The following FAM81B variants were observed in gnomAD, a reference collection of about 807,000 sequenced individuals.
The protein encoded by FAM81B is protein FAM81B.
A neutral mutation model predicts 58.7 loss-of-function variants in FAM81B; 60 were observed. That is an observed-to-expected ratio of 1.02 (90% confidence interval 0.83 to 1.27). The LOEUF is 1.27. Ranked by LOEUF, FAM81B falls within the 50% of genes most tolerant of loss-of-function variation. The pLI is 0.00. For missense variants in FAM81B, 491 were observed against 522.0 expected (o/e 0.94, Z 0.58); for synonymous variants, 189 against 179.6 (o/e 1.05, Z -0.42).
chr5:95,400,248 G>T (rs1257728163), intron 3 of FAM81B, among the ~76,000 whole-genome samples: 1 of 152,118 alleles, frequency 6.6e-6, no homozygotes, highest in Non-Finnish European at 1.5e-5. Context: ...CCTTCTGAGG[G>T]CTCCAAGGGG....
At chr5:95,446,900 C>T (rs1015742352) in intron 8 of FAM81B, among the ~76,000 whole-genome samples, 8 of 150,220 alleles carry the variant, frequency 5.3e-5, no homozygotes, top group African/African-American at 2.0e-4. Context: ...ACCTGTGTTT[C>T]TCAGAGTGTG....
intron 4 of FAM81B, among the ~76,000 whole-genome samples, chr5:95,419,513 C>T: frequency 6.6e-6 from 1 of 151,992 alleles, no homozygotes; most frequent in Non-Finnish European, 1.5e-5. Flanking sequence ...TATGGACAAG[C>T]AGAATTTTTT....
intron 2 of FAM81B, among the ~76,000 whole-genome samples, chr5:95,394,469 G>A (rs1432735371): frequency 2.6e-5 from 4 of 152,112 alleles, no homozygotes; most frequent in Non-Finnish European, 4.4e-5. Flanking sequence ...AAGGTGAGGA[G>A]GAAAGAACTG....
intron 5 of FAM81B, among the ~76,000 whole-genome samples, chr5:95,426,270 G>A (rs939827768): frequency 1.3e-5 from 2 of 151,908 alleles, no homozygotes; most frequent in Non-Finnish European, 2.9e-5. Flanking sequence ...TTCTAATGGT[G>A]ATGTACTATT....
rs954100356 is a variant in FAM81B at position 95,396,167 on chromosome 5, T to C, written c.285T>C (p.Tyr95=). The change falls in exon 3 of 10, where the codon TAT becomes TAC. Residue 95 remains tyrosine (Y), a synonymous_variant. Coordinates refer to ENST00000283357, the MANE Select transcript of FAM81B (RefSeq NM_152548.3). Reference sequence around the variant, plus strand: ...AGAATTCTACAGATCTAGTTGAATATGTTGACAAGTAAGTGTGTAAATTAC... The same window carrying C: ...AGAATTCTACAGATCTAGTTGAATACGTTGACAAGTAAGTGTGTAAATTAC... ...STKNSTDLVE[Y]VDKSHAFLPI... 6 of 1,601,234 alleles carry C rather than the reference T, an allele frequency of 3.7e-6. No individual in the cohort carries two copies. The highest frequency in any genetic ancestry group is 1.1e-5 in the South Asian group (1 of 88,318).
intron 6 of FAM81B, 150 bp from the exon 7 acceptor site, chr5:95,436,650 A>C: frequency 1.5e-6 from 1 of 659,002 alleles, no homozygotes; most frequent in Non-Finnish European, 2.7e-6. Context: ...TTTCAAGTGC[A>C]ATCATGCTTT....
At chr5:95,440,599 T>C in intron 7 of FAM81B, 1 of 675,742 alleles carries the variant, frequency 1.5e-6, no homozygotes. Context: ...CTCAGAGAGC[T>C]ACAGACAAAA....
At chr5:95,425,768 T>G (rs1762807153) in intron 5 of FAM81B, among the ~76,000 whole-genome samples, 1 of 152,172 alleles carries the variant, frequency 6.6e-6, no homozygotes, top group Admixed American at 6.5e-5. Flanking sequence ...GCAAATTTTT[T>G]TTTAAATGTT....
intron 3 of FAM81B, among the ~76,000 whole-genome samples, chr5:95,402,877 A>C (rs1762150481): frequency 6.6e-6 from 1 of 152,232 alleles, no homozygotes; most frequent in Non-Finnish European, 1.5e-5. Flanking sequence ...ACCACACAGC[A>C]AAATAGGCCT....
At chr5:95,447,763 T>C (rs570573336) in intron 8 of FAM81B, among the ~76,000 whole-genome samples, 1 of 152,356 alleles carries the variant, frequency 6.6e-6, no homozygotes, top group African/African-American at 2.4e-5. Context: ...CTGCAGTCCC[T>C]ACCTTGGTTG....
chr5:95,445,614 C>T (rs1304984073), intron 7 of FAM81B, among the ~76,000 whole-genome samples: 3 of 152,088 alleles, frequency 2.0e-5, no homozygotes, highest in African/African-American at 4.8e-5. Flanking sequence ...TGATAGGTCC[C>T]GTAGGTACCT....
At chr5:95,446,357 T>C (rs1745557297) in intron 7 of FAM81B, among the ~76,000 whole-genome samples, 1 of 152,036 alleles carries the variant, frequency 6.6e-6, no homozygotes, top group Non-Finnish European at 1.5e-5. Context: ...GTAGAGGGGG[T>C]GTTAACAGTA....
intron 5 of FAM81B, among the ~76,000 whole-genome samples, chr5:95,427,652 T>C (rs1379366660): frequency 6.6e-6 from 1 of 152,240 alleles, no homozygotes; most frequent in Non-Finnish European, 1.5e-5. Flanking sequence ...TATGAAAATG[T>C]ATTTCCTAAT....
intron 3 of FAM81B, among the ~76,000 whole-genome samples, chr5:95,408,723 T>C (rs745409357): frequency 3.9e-5 from 6 of 152,224 alleles, no homozygotes; most frequent in Non-Finnish European, 8.8e-5. Context: ...AGACCCTCCA[T>C]GGTGTTATCA....
intron 5 of FAM81B, among the ~76,000 whole-genome samples, chr5:95,421,196 T>C (rs1196419933): frequency 1.4e-4 from 21 of 152,310 alleles, no homozygotes; most frequent in Non-Finnish European, 1.5e-5. Context: ...CTGTTTACAG[T>C]CTACCAGGAA....
chr5:95,428,319 A>C (rs1277985662), intron 5 of FAM81B, among the ~76,000 whole-genome samples: 1 of 152,234 alleles, frequency 6.6e-6, no homozygotes, highest in Non-Finnish European at 1.5e-5. Context: ...AGTTAATATC[A>C]AGCTGAAAAT....
intron 3 of FAM81B, 140 bp downstream of exon 3, chr5:95,396,315 C>A: frequency 5.0e-6 from 3 of 603,764 alleles, no homozygotes; most frequent in Non-Finnish European, 8.4e-6. Flanking sequence ...AAGTTCTCTG[C>A]ATTCAGAAGA....
rs780437960 is a variant in FAM81B at position 95,391,413 on chromosome 5, A to G, written c.24A>G (p.Thr8=). The G allele has an allele frequency of 1.9e-6, 3 of 1,613,638 alleles. No individual in the cohort carries two copies. Among genetic ancestry groups the G allele is most frequent in the Non-Finnish European group, 2.5e-6 (3 of 1,179,696 alleles). The change falls in exon 1 of 10, where the codon ACA becomes ACG. Residue 8 remains threonine, a synonymous_variant. Transcript: ENST00000283357. MQLQFLG[T]LASSEKRKKS... ...GGATGCAATTACAATTCCTTGGTAC[A>G]TTGGCTTCCTCAGAAAAAAGAAAAA...
intron 5 of FAM81B, among the ~76,000 whole-genome samples, chr5:95,428,168 T>C (rs991247571): frequency 6.6e-6 from 1 of 152,180 alleles, no homozygotes; most frequent in Non-Finnish European, 1.5e-5. Flanking sequence ...ATTGATAGTC[T>C]GGGGGCCAAG....
Sources: gnomAD v4.1 joint callset for allele counts (sites outside exome capture counted in the v4.1 genomes callset) on GRCh38, gnomAD v4.1.1 for gene constraint, MANE v1.5 for transcripts, NCBI Gene and HGNC (gene_info 2026-07-23, HGNC 2026-07-21) for gene names.